Variants in CLCN3 observed in about 807,000 individuals in gnomAD.
CLCN3 encodes the protein H(+)/Cl(-) exchange transporter 3.
In CLCN3, 16 loss-of-function variants were observed where a neutral mutation model predicts 83.4. The ratio of observed to expected loss-of-function variants is 0.19; its 90% CI spans 0.13 to 0.29. CLCN3 has a LOEUF of 0.29. Among genes scored for constraint, CLCN3 ranks in the 10% least tolerant of loss-of-function variants. The pLI, the probability that CLCN3 is intolerant of heterozygous loss-of-function variation, is 1.00. For synonymous variants in CLCN3, 322 were observed against 346.2 expected (o/e 0.93, Z 0.78); for missense variants, 544 against 1,006.0 (o/e 0.54, Z 6.21).
chr4:169,693,675 A>G (rs1468768863), intron 7 of CLCN3, among the ~76,000 whole-genome samples: 2 of 152,244 alleles, frequency 1.3e-5, no homozygotes, highest in African/African-American at 4.8e-5. Flanking sequence ...GGCTAAGATG[A>G]AGCTAGAGCA....
chr4:169,682,218 A>C (rs1464346419), intron 3 of CLCN3, among the ~76,000 whole-genome samples: 1 of 149,874 alleles, frequency 6.7e-6, no homozygotes, highest in East Asian at 1.9e-4. Flanking sequence ...TGACACTTAT[A>C]TAATATAATA....
chr4:169,681,836 C>T (rs1226361419), intron 3 of CLCN3, among the ~76,000 whole-genome samples: 1 of 152,150 alleles, frequency 6.6e-6, no homozygotes, highest in African/African-American at 2.4e-5. Context: ...TGTTATAAAT[C>T]TCATTATTGT....
chr4:169,621,094 C>G (rs1159823018), intron 1 of CLCN3, 31 bp downstream of exon 1: 1 of 395,716 alleles, frequency 2.5e-6, no homozygotes, highest in Admixed American at 4.4e-5. Context: ...GAAGAGTTGT[C>G]AGCTCTCCTG....
At chr4:169,709,337 G>A (rs1363913303) in intron 11 of CLCN3, among the ~76,000 whole-genome samples, 1 of 151,594 alleles carries the variant, frequency 6.6e-6, no homozygotes, top group Admixed American at 6.6e-5. Context: ...AAATTCAAAT[G>A]AGATGTCTCA....
At chr4:169,712,770 A>T (rs1733272725) in intron 11 of CLCN3, among the ~76,000 whole-genome samples, 1 of 152,200 alleles carries the variant, frequency 6.6e-6, no homozygotes, top group East Asian at 1.9e-4. Context: ...CGTATTCCAA[A>T]CCCACTTCCT....
chr4:169,690,283 T>C (rs1444429796), intron 5 of CLCN3, among the ~76,000 whole-genome samples: 2 of 151,930 alleles, frequency 1.3e-5, no homozygotes, highest in African/African-American at 2.4e-5. Flanking sequence ...GTAGCTGGTA[T>C]TACAGGCGTG....
In CLCN3 at chr4:169,620,735, T is replaced by G; in HGVS notation, c.-345T>G. The stretch of plus-strand genomic sequence containing the variant: ...CCCGAGTTAGAGCATGGATTCAGTT[T>G]TAGTCTTAAGGGGGAAGTGAGATTG... On this transcript the variant is annotated 5_prime_UTR_variant, in exon 1 of 13. Transcript: ENST00000513761. 1 of 398,642 alleles carries G rather than the reference T, an allele frequency of 2.5e-6. No homozygotes were observed. The highest frequency in any genetic ancestry group is 4.4e-6 in the Non-Finnish European group (1 of 226,074). 24.7% of individuals were successfully genotyped at this position (398,642 alleles called of 1,614,324 possible). A position where few individuals can be genotyped will look rare whatever the true frequency, so the allele number is the denominator to read the frequency against.
intron 2 of CLCN3, among the ~76,000 whole-genome samples, chr4:169,667,724 C>G (rs1206285287): frequency 8.2e-6 from 1 of 122,100 alleles, no homozygotes; most frequent in African/African-American, 2.6e-5. Flanking sequence ...TAGAAGAACT[C>G]ATTGTCCAAA....
chr4:169,659,703 G>C (rs188699654), intron 2 of CLCN3, among the ~76,000 whole-genome samples: 2 of 152,160 alleles, frequency 1.3e-5, no homozygotes, highest in East Asian at 3.9e-4. Context: ...TCAATGAAAG[G>C]CTGCTGTATT....
intron 2 of CLCN3, among the ~76,000 whole-genome samples, chr4:169,674,485 G>A (rs1174938594): frequency 2.0e-5 from 3 of 152,106 alleles, no homozygotes; most frequent in Non-Finnish European, 2.9e-5. Context: ...AAGAAAATTT[G>A]TGGCCTTTCA....
chr4:169,621,160 A>G, intron 1 of CLCN3, 97 bp downstream of exon 1: 1 of 371,860 alleles, frequency 2.7e-6, no homozygotes. Context: ...TTTCTCTTAC[A>G]ATGTACCTAC....
chr4:169,701,756 G>C (rs186799465), intron 9 of CLCN3, among the ~76,000 whole-genome samples: 1 of 152,312 alleles, frequency 6.6e-6, no homozygotes, highest in Admixed American at 6.5e-5. Context: ...ACACTTGAAA[G>C]AGGGCCAAGT....
At chr4:169,701,703 A>G (rs1224584394) in intron 9 of CLCN3, among the ~76,000 whole-genome samples, 2 of 152,188 alleles carry the variant, frequency 1.3e-5, no homozygotes, top group Non-Finnish European at 2.9e-5. Context: ...GTGAAAGTTT[A>G]TTATTAAAAA....
Position 169,697,574 on chromosome 4 carries a change from C to T in CLCN3, c.1403C>T (p.Ser468Phe). The T allele has an allele frequency of 6.2e-7, 1 of 1,614,204 alleles. No homozygotes were observed. Among genetic ancestry groups the T allele is most frequent in the Non-Finnish European group, 8.5e-7 (1 of 1,180,024 alleles). Reference protein sequence around the residue: ...ELFTDCGPLESSSLCDYRNDM... With the variant: ...ELFTDCGPLEFSSLCDYRNDM... ...TTTACAGACTGTGGTCCCCTGGAATCCTCTTCTCTTTGTGACTACAGAAAT... is the reference window on the plus strand; with the variant it reads ...TTTACAGACTGTGGTCCCCTGGAATTCTCTTCTCTTTGTGACTACAGAAAT... The change falls in exon 9 of 13, where the codon TCC becomes TTC. Residue 468 changes from serine to phenylalanine, a missense_variant. Ser to Phe is a radical substitution (Grantham distance 155, BLOSUM62 -2). This residue lies in a region of CLCN3 where 194 missense variants were observed against 341.4 expected (regional missense o/e 0.57). Transcript: ENST00000513761.
chr4:169,651,028 A>G (rs972715898), intron 2 of CLCN3, among the ~76,000 whole-genome samples: 10 of 152,152 alleles, frequency 6.6e-5, no homozygotes, highest in Non-Finnish European at 7.4e-5. Flanking sequence ...AAATTAGCCT[A>G]AGATGCCAGT....
chr4:169,692,116 TA>T lies in CLCN3; in HGVS notation c.736del (p.Thr246LeufsTer3). On this transcript the variant is annotated frameshift_variant, in exon 7 of 13. Coordinates refer to ENST00000513761, the MANE Select transcript of CLCN3 (RefSeq NM_001829.4). LOFTEE classifies it high-confidence loss of function. The part of the protein sequence containing the change: ...YACGSGIPEI[K>X]TILSGFIIRG... The stretch of plus-strand genomic sequence containing the variant: ...CTGCCTTAATCTTTGCCTTGTAGAT[TA>T]AAACTATTTTAAGTGGATTCATCAT... The T allele has an allele frequency of 6.4e-7, 1 of 1,574,286 alleles. No homozygotes were observed. Among genetic ancestry groups the T allele is most frequent in the Non-Finnish European group, 8.7e-7 (1 of 1,145,458 alleles).
rs530606737 is a variant in CLCN3 at position 169,661,235 on chromosome 4, A to T, written c.161-18815A>T. On this transcript the variant is annotated intron_variant, in intron 2 of 12. Coordinates refer to ENST00000513761, the MANE Select transcript of CLCN3 (RefSeq NM_001829.4). ...TTATTCGAAAAACAGACTGGTCGAC[A>T]TTTGTTGTCCTAGAAAAAAATTGAA... Among the ~76,000 whole-genome samples the T allele has an allele frequency of 2.0e-5, 3 of 152,180 alleles. No individual in the cohort carries two copies. The East Asian group carries it at 5.8e-4, about 29-fold the overall frequency.
chr4:169,642,859 C>G (rs1341180338), intron 2 of CLCN3: 2 of 152,148 alleles, frequency 1.3e-5, no homozygotes, highest in South Asian at 2.1e-4. Context: ...TTCAATATCT[C>G]CTACTTGAAT....
At chr4:169,690,070 A>G (rs1175829746) in intron 5 of CLCN3, among the ~76,000 whole-genome samples, 6 of 152,064 alleles carry the variant, frequency 3.9e-5, no homozygotes, top group Middle Eastern at 3.2e-3. Context: ...TTGTTCATAT[A>G]AAGTTTTTAT....
Sources: allele counts gnomAD v4.1 joint callset (sites outside exome capture counted in the v4.1 genomes callset), GRCh38; gene constraint gnomAD v4.1.1; regional missense constraint gnomAD v4.1.1; transcripts MANE v1.5; gene names NCBI Gene and HGNC (gene_info 2026-07-23, HGNC 2026-07-21).